The following TENM3 variants were observed in gnomAD, a reference collection of about 807,000 sequenced individuals.
The protein encoded by TENM3 is teneurin transmembrane protein 3.
Under a neutral mutation model 255.1 loss-of-function variants are expected in TENM3, and 63 were observed. The observed-to-expected ratio is 0.25, with a 90% CI of 0.20 to 0.30. TENM3 has a LOEUF of 0.30. Among genes scored for constraint, TENM3 ranks in the 10% least tolerant of loss-of-function variants. TENM3 has a pLI of 1.00. For missense variants in TENM3, 2,929 were observed against 3,461.1 expected (o/e 0.85, Z 3.86); for synonymous variants, 1,306 against 1,322.3 (o/e 0.99, Z 0.27).
chr4:181,496,629 C>A, the TENM3 span, among the ~76,000 whole-genome samples: 2 of 152,152 alleles, frequency 1.3e-5, no homozygotes, highest in African/African-American at 2.4e-5. Context: ...CTGAATTCAA[C>A]ACATTTCGTT....
At chr4:182,200,296 C>T (rs1754107526) in intron 1 of TENM3, among the ~76,000 whole-genome samples, 1 of 152,094 alleles carries the variant, frequency 6.6e-6, no homozygotes, top group Non-Finnish European at 1.5e-5. Context: ...TTATTGAACC[C>T]AAATCATCTT....
chr4:182,470,726 C>T (rs954071699), intron 3 of TENM3, among the ~76,000 whole-genome samples: 2 of 152,140 alleles, frequency 1.3e-5, no homozygotes, highest in African/African-American at 4.8e-5. Flanking sequence ...GTAGAAAGCT[C>T]TAAAACTTCA....
the TENM3 span, among the ~76,000 whole-genome samples, chr4:181,654,228 A>AG: frequency 1.2e-4 from 18 of 148,078 alleles, no homozygotes; most frequent in Admixed American, 6.1e-4. Context: ...TACTGCCTTC[A>AG]GGAAAAAAAA....
At chr4:181,918,180 C>T in the TENM3 span, among the ~76,000 whole-genome samples, 3 of 152,096 alleles carry the variant, frequency 2.0e-5, no homozygotes, top group African/African-American at 7.2e-5. Context: ...TTTAATTTTT[C>T]ATTCATGAAT....
chr4:181,858,626 C>T, the TENM3 span, among the ~76,000 whole-genome samples: 1 of 152,170 alleles, frequency 6.6e-6, no homozygotes, highest in Non-Finnish European at 1.5e-5. Flanking sequence ...TACCTGACAG[C>T]TTGTGCTAAG....
chr4:182,034,661 T>C, the TENM3 span, among the ~76,000 whole-genome samples: 1 of 152,196 alleles, frequency 6.6e-6, no homozygotes, highest in Admixed American at 6.5e-5. Flanking sequence ...TGGCCAGATA[T>C]GAAATTTTGG....
At chr4:182,624,560 TG>T (rs1750644629) in intron 4 of TENM3, among the ~76,000 whole-genome samples, 1 of 152,198 alleles carries the variant, frequency 6.6e-6, no homozygotes, top group Admixed American at 6.5e-5. Flanking sequence ...GCTCCTCTGC[TG>T]TTACCAGCTC....
At chr4:181,564,006 ATGTTTTCTTT>A in the TENM3 span, among the ~76,000 whole-genome samples, 4 of 109,180 alleles carry the variant, frequency 3.7e-5, no homozygotes, top group South Asian at 1.6e-3. Context: ...AATGAAAATG[ATGTTTTCTTT>A]TCTTTTCTTT....
chr4:181,893,862 T>G, the TENM3 span, among the ~76,000 whole-genome samples: 1 of 152,142 alleles, frequency 6.6e-6, no homozygotes, highest in East Asian at 1.9e-4. Flanking sequence ...AATTTGTAAT[T>G]TTTTCTATCC....
At chr4:182,111,698 G>A in the TENM3 span, among the ~76,000 whole-genome samples, 1 of 152,154 alleles carries the variant, frequency 6.6e-6, no homozygotes, top group Non-Finnish European at 1.5e-5. Context: ...TTTCAAGGAA[G>A]GCAGTTGTAA....
the TENM3 span, among the ~76,000 whole-genome samples, chr4:182,094,894 C>A: frequency 6.8e-6 from 1 of 147,180 alleles, no homozygotes; most frequent in Non-Finnish European, 1.5e-5. Flanking sequence ...AGAAGGAACA[C>A]TAGAGCTTAT....
At chr4:182,310,173 G>A (rs1762360194) in intron 1 of TENM3, among the ~76,000 whole-genome samples, 1 of 147,792 alleles carries the variant, frequency 6.8e-6, no homozygotes, top group Admixed American at 6.8e-5. Flanking sequence ...AATATCCAGG[G>A]TAAGAACTTG....
At chr4:182,080,128 C>T in the TENM3 span, among the ~76,000 whole-genome samples, 1 of 152,198 alleles carries the variant, frequency 6.6e-6, no homozygotes, top group Non-Finnish European at 1.5e-5. Flanking sequence ...TCTGTTCTTG[C>T]AATATGCTGA....
chr4:182,350,192 TGCTG>T (rs1344160965), intron 3 of TENM3: 2 of 153,616 alleles, frequency 1.3e-5, no homozygotes, highest in Non-Finnish European at 1.4e-5. Flanking sequence ...GTGCTAGAAC[TGCTG>T]TGAGGCTAAT....
intron 3 of TENM3, among the ~76,000 whole-genome samples, chr4:182,581,180 A>T (rs1745459037): frequency 6.6e-6 from 1 of 152,320 alleles, no homozygotes; most frequent in South Asian, 2.1e-4. Flanking sequence ...AAGGAAGCAG[A>T]TATTATATTG....
chr4:182,142,712 C>G (rs1749543712), upstream of TENM3: 1 of 165,582 alleles, frequency 6.0e-6, no homozygotes, highest in Non-Finnish European at 1.5e-5. Flanking sequence ...CGGGGCAGGC[C>G]TGGTCGCGGG....
chr4:181,799,230 G>T, the TENM3 span, among the ~76,000 whole-genome samples: 3 of 152,202 alleles, frequency 2.0e-5, no homozygotes, highest in Non-Finnish European at 4.4e-5. Context: ...TTAATAAAGC[G>T]AGTGATAGCC....
chr4:182,096,993 GT>G, the TENM3 span, among the ~76,000 whole-genome samples: 1 of 152,144 alleles, frequency 6.6e-6, no homozygotes, highest in African/African-American at 2.4e-5. Flanking sequence ...TGATAAAGCT[GT>G]TTTTTTAAAA....
chr4:182,518,847 C>A (rs370607294), intron 3 of TENM3, among the ~76,000 whole-genome samples: 1 of 152,134 alleles, frequency 6.6e-6, no homozygotes, highest in Non-Finnish European at 1.5e-5. Context: ...TATAGCTACA[C>A]AGAGAATAAA....
Sources: gnomAD v4.1 joint callset for allele counts (sites outside exome capture counted in the v4.1 genomes callset) on GRCh38, gnomAD v4.1.1 for gene constraint, MANE v1.5 for transcripts, NCBI Gene and HGNC (gene_info 2026-07-23, HGNC 2026-07-21) for gene names.